The following FRMD4A variants were observed in gnomAD, a reference collection of about 807,000 sequenced individuals.
FRMD4A encodes the protein FERM domain containing 4A, also known as FERM domain-containing protein 4A.
Under a neutral mutation model 129.1 loss-of-function variants are expected in FRMD4A, and 29 were observed. The ratio of observed to expected loss-of-function variants is 0.22; its 90% confidence interval spans 0.17 to 0.31. The LOEUF is 0.31. FRMD4A is among the 10% of genes least tolerant of loss of function. The pLI is 1.00. For missense variants in FRMD4A, 1,272 were observed against 1,375.8 expected (o/e 0.92, Z 1.19); for synonymous variants, 634 against 571.6 (o/e 1.11, Z -1.56).
intron 2 of FRMD4A, among the ~76,000 whole-genome samples, chr10:14,061,942 C>A (rs1834835801): frequency 1.3e-5 from 2 of 152,206 alleles, no homozygotes; most frequent in Admixed American, 6.5e-5. Context: ...CAATTCCTTA[C>A]TTACAAAATT....
chr10:14,017,101 G>A (rs2095701672), intron 2 of FRMD4A, among the ~76,000 whole-genome samples: 1 of 152,210 alleles, frequency 6.6e-6, no homozygotes, highest in Admixed American at 6.5e-5. Flanking sequence ...AGTGGCTATA[G>A]CCTGGCTAAA....
intron 2 of FRMD4A, among the ~76,000 whole-genome samples, chr10:13,930,303 G>A (rs11258726): frequency 0.37 from 55,894 of 152,048 alleles, 11,129 homozygotes; most frequent in Non-Finnish European, 0.45. Flanking sequence ...GGCTTGTGTG[G>A]TTTTGGCTCA....
At chr10:13,963,773 T>C (rs2095463544) in intron 2 of FRMD4A, among the ~76,000 whole-genome samples, 9 of 152,222 alleles carry the variant, frequency 5.9e-5, no homozygotes, top group Admixed American at 5.9e-4. Flanking sequence ...TTAGCTCACA[T>C]GTTTTCTTAT....
At chr10:13,941,335 C>T (rs984974230) in intron 2 of FRMD4A, among the ~76,000 whole-genome samples, 11 of 152,170 alleles carry the variant, frequency 7.2e-5, no homozygotes, top group Non-Finnish European at 1.0e-4. Flanking sequence ...CTGCCTTCCA[C>T]CATGATTGTG....
chr10:14,235,973 C>T (rs1487803592), intron 2 of FRMD4A, among the ~76,000 whole-genome samples: 2 of 152,200 alleles, frequency 1.3e-5, no homozygotes, highest in African/African-American at 2.4e-5. Context: ...GAGAGAGTGT[C>T]TAAGTTTCAC....
intron 2 of FRMD4A, among the ~76,000 whole-genome samples, chr10:14,220,522 A>T (rs909561575): frequency 2.0e-5 from 3 of 152,128 alleles, no homozygotes; most frequent in Non-Finnish European, 4.4e-5. Context: ...CAATAATTGA[A>T]TTTTTTGTAT....
chr10:13,649,836 T>A (rs2134402742), intron 24 of FRMD4A, among the ~76,000 whole-genome samples: 1 of 152,318 alleles, frequency 6.6e-6, no homozygotes, highest in Admixed American at 6.5e-5. Flanking sequence ...TCACAAATAA[T>A]ACAAATGGGG....
chr10:13,805,965 C>T (rs545045664), intron 4 of FRMD4A, among the ~76,000 whole-genome samples: 1 of 152,046 alleles, frequency 6.6e-6, no homozygotes, highest in Non-Finnish European at 1.5e-5. Context: ...TCAAGCAATG[C>T]TCGTGTGTCA....
At chr10:13,698,718 T>C (rs1397457186) in intron 14 of FRMD4A, among the ~76,000 whole-genome samples, 3 of 152,190 alleles carry the variant, frequency 2.0e-5, no homozygotes, top group Non-Finnish European at 4.4e-5. Context: ...TTGCTGCTAA[T>C]TGGGGAAAGC....
At chr10:14,195,227 C>T (rs575601082) in intron 2 of FRMD4A, among the ~76,000 whole-genome samples, 1 of 152,210 alleles carries the variant, frequency 6.6e-6, no homozygotes, top group South Asian at 2.1e-4. Flanking sequence ...TGGAAACAGG[C>T]TCAGCATGTT....
At chr10:13,659,868 A>C (rs905829342) in intron 20 of FRMD4A, among the ~76,000 whole-genome samples, 4 of 8,926 alleles carry the variant, frequency 4.5e-4, no homozygotes, top group Admixed American at 1.6e-3. Context: ...CTTCCCCCCC[A>C]AAAAAAACCT....
chr10:13,699,054 C>CTTT (rs34061856), intron 14 of FRMD4A, among the ~76,000 whole-genome samples: 1,372 of 128,184 alleles, frequency 0.011, 25 homozygotes, highest in Non-Finnish European at 0.015. Flanking sequence ...CTACAATAAT[C>CTTT]TTTTTTTTTT....
At chr10:13,845,520 A>G (rs2094031794) in intron 3 of FRMD4A, among the ~76,000 whole-genome samples, 1 of 152,218 alleles carries the variant, frequency 6.6e-6, no homozygotes, top group Non-Finnish European at 1.5e-5. Context: ...AGTCTCTTAA[A>G]TGCTTTCCTC....
chr10:14,270,660 G>A (rs1845133019), intron 2 of FRMD4A, among the ~76,000 whole-genome samples: 1 of 152,196 alleles, frequency 6.6e-6, no homozygotes, highest in Admixed American at 6.5e-5. Context: ...AACTGTTAGA[G>A]CACAGGAAAT....
intron 2 of FRMD4A, among the ~76,000 whole-genome samples, chr10:13,993,562 T>C (rs2095611170): frequency 1.3e-5 from 2 of 152,244 alleles, no homozygotes; most frequent in South Asian, 4.1e-4. Flanking sequence ...GTGATTGTTC[T>C]ATTGGCTGAA....
rs1293152033 is a variant in FRMD4A, at chr10:13,679,572, T to C, written c.1118-4528A>G. 4.8e-5 allele frequency among the ~76,000 whole-genome samples: 7 copies of C among 147,278 alleles called. No homozygotes were observed. The East Asian group carries it at 1.2e-3, about 26-fold the overall frequency. On this transcript the variant is annotated intron_variant, in intron 15 of 24. Transcript: ENST00000357447. ...AGCAGCTAGGTCTTTGGGGCAGCTATGGTTGGAGGTGGGGTCAAGGAGGTT... is the reference window on the plus strand; with the variant it reads ...AGCAGCTAGGTCTTTGGGGCAGCTACGGTTGGAGGTGGGGTCAAGGAGGTT...
At chr10:13,924,778 G>C (rs571480715) in intron 2 of FRMD4A, among the ~76,000 whole-genome samples, 1 of 152,106 alleles carries the variant, frequency 6.6e-6, no homozygotes, top group African/African-American at 2.4e-5. Context: ...ACCTGTCATA[G>C]TGTGTTCAGC....
At chr10:13,931,212 G>A (rs2095191164) in intron 2 of FRMD4A, among the ~76,000 whole-genome samples, 1 of 152,162 alleles carries the variant, frequency 6.6e-6, no homozygotes, top group South Asian at 2.1e-4. Context: ...AGGAAAGGAA[G>A]CTGATTCTGA....
intron 2 of FRMD4A, chr10:14,008,052 T>C (rs2095668219): frequency 2.3e-6 from 3 of 1,301,638 alleles, no homozygotes; most frequent in Non-Finnish European, 3.0e-6. Flanking sequence ...ACCCGCCACG[T>C]AGCTTACCCT....
Sources: gnomAD v4.1 joint callset for allele counts (sites outside exome capture counted in the v4.1 genomes callset) on GRCh38, gnomAD v4.1.1 for gene constraint, MANE v1.5 for transcripts, NCBI Gene and HGNC (gene_info 2026-07-23, HGNC 2026-07-21) for gene names.